The following ASNS variants were observed in gnomAD, a reference collection of about 807,000 sequenced individuals.
ASNS encodes asparagine synthetase (glutamine-hydrolyzing).
A neutral mutation model predicts 62.6 loss-of-function variants in ASNS; 37 were observed. The observed-to-expected ratio is 0.59, with a 90% confidence interval of 0.45 to 0.78. ASNS has a LOEUF of 0.78. ASNS is among the 30% of genes least tolerant of loss of function. The pLI is 0.00. For missense variants in ASNS, 520 were observed against 682.4 expected (o/e 0.76, Z 2.65); for synonymous variants, 207 against 237.9 (o/e 0.87, Z 1.19).
At chr7:97,870,109 T>A (rs1381611175) in intron 1 of ASNS, 2 of 407,276 alleles carry the variant, frequency 4.9e-6, no homozygotes, top group African/African-American at 2.1e-5. Context: ...AATTCTCAAC[T>A]GTGAAATAAA....
the ASNS span, among the ~76,000 whole-genome samples, chr7:97,923,256 TG>T: frequency 6.7e-6 from 1 of 149,716 alleles, no homozygotes; most frequent in Non-Finnish European, 1.5e-5. Context: ...AAATCATGAT[TG>T]ACTTTTCCAA....
chr7:97,868,523 G>GTGTGTGTC (rs1382527018), intron 3 of ASNS, among the ~76,000 whole-genome samples: 9 of 115,972 alleles, frequency 7.8e-5, no homozygotes, highest in African/African-American at 2.6e-4. Context: ...AAAAACATGT[G>GTGTGTGTC]TGTGTGTGTG....
rs1483550952 is a variant in ASNS, at chr7:97,859,389, G to C, written c.497C>G (p.Thr166Arg). 6.2e-7 allele frequency: 1 copy of C among 1,605,156 alleles called. No individual in the cohort carries two copies. The highest frequency in any genetic ancestry group is 8.5e-7 in the Non-Finnish European group (1 of 1,175,218). ...AVCSEAKGLV[T>R]LKHSATPFLK... is the part of the protein sequence containing the mutation. ...AAAGGGAGTCGCGGAGTGCTTCAATGTAACAAGACCTAGAAATTCACAATG... is the reference window on the plus strand; with the variant it reads ...AAAGGGAGTCGCGGAGTGCTTCAATCTAACAAGACCTAGAAATTCACAATG... Residue 166 changes from threonine (T) to arginine (R), a missense_variant, in exon 5 of 13, where the codon ACA (threonine) becomes AGA (arginine). Transcript: ENST00000394308.
the ASNS span, among the ~76,000 whole-genome samples, chr7:97,910,723 T>C: frequency 6.6e-6 from 1 of 152,070 alleles, no homozygotes; most frequent in East Asian, 1.9e-4. Flanking sequence ...TGCCTCAGCC[T>C]CCCGAGTAGC....
chr7:97,923,617 C>T, the ASNS span, among the ~76,000 whole-genome samples: 87 of 152,300 alleles, frequency 5.7e-4, no homozygotes, highest in Non-Finnish European at 9.9e-4. Context: ...ACCTGGGATG[C>T]CTCCCAAGCC....
chr7:97,900,013 C>A, the ASNS span, among the ~76,000 whole-genome samples: 4 of 152,142 alleles, frequency 2.6e-5, no homozygotes, highest in Admixed American at 2.6e-4. Flanking sequence ...AAACAGAAAT[C>A]AAAACCACAA....
intron 9 of ASNS, 106 bp downstream of exon 9, chr7:97,855,247 G>A: frequency 3.8e-6 from 3 of 795,740 alleles, no homozygotes; most frequent in Non-Finnish European, 2.0e-6. Flanking sequence ...AACCTCACAA[G>A]ATACTCAAAA....
the ASNS span, among the ~76,000 whole-genome samples, chr7:97,883,517 A>G: frequency 1.3e-5 from 2 of 152,034 alleles, no homozygotes; most frequent in South Asian, 4.2e-4. Context: ...CACCACTATA[A>G]ACCAAGCCAC....
chr7:97,915,397 A>C, the ASNS span, among the ~76,000 whole-genome samples: 2 of 152,242 alleles, frequency 1.3e-5, no homozygotes, highest in Non-Finnish European at 2.9e-5. Context: ...TCATCTGTAA[A>C]ATGGGTATGC....
upstream of ASNS, among the ~76,000 whole-genome samples, chr7:97,877,356 G>A (rs1448585684): frequency 6.6e-6 from 1 of 152,196 alleles, no homozygotes; most frequent in African/African-American, 2.4e-5. Context: ...GCCTCCCAAA[G>A]TGTTGGGATT....
the ASNS span, among the ~76,000 whole-genome samples, chr7:97,912,398 T>A: frequency 6.6e-6 from 1 of 151,996 alleles, no homozygotes; most frequent in Non-Finnish European, 1.5e-5. Flanking sequence ...AGCAATCTTG[T>A]GGAAAGAACC....
At chr7:97,922,176 A>G in the ASNS span, among the ~76,000 whole-genome samples, 5 of 152,102 alleles carry the variant, frequency 3.3e-5, no homozygotes, top group Admixed American at 6.5e-5. Context: ...ACCAGCCTGC[A>G]TAACATAGCA....
rs374507287 is a variant in ASNS at position 97,864,363 on chromosome 7, G to A, written c.383C>T (p.Thr128Ile). 13 of 1,613,760 alleles carry A rather than the reference G, an allele frequency of 8.1e-6. No homozygotes were observed. The highest frequency in any genetic ancestry group is 1.1e-5 in the Non-Finnish European group (13 of 1,179,882). The change falls in exon 4 of 13, where the codon ACT becomes ATT. Residue 128 changes from threonine to isoleucine, a missense_variant. Transcript: ENST00000394308. ...DGVFAFVLLD[T>I]ANKKVFLGRD... is the part of the protein sequence containing the mutation. ...ACCCAGGAACACTTTCTTATTGGCA[G>A]TATCCAGTAAAACAAATGCAAACAC...
chr7:97,920,273 G>A, the ASNS span, among the ~76,000 whole-genome samples: 1 of 152,124 alleles, frequency 6.6e-6, no homozygotes, highest in African/African-American at 2.4e-5. Context: ...CAAAGTGCTG[G>A]GATTACAGGT....
At chr7:97,868,518 C>CGTGTGTGT (rs543590888) in intron 3 of ASNS, among the ~76,000 whole-genome samples, 13 of 62,104 alleles carry the variant, frequency 2.1e-4, no homozygotes, top group African/African-American at 9.0e-4. Flanking sequence ...TCAGCAAAAA[C>CGTGTGTGT]ATGTGTGTGT....
chr7:97,896,737 C>CATATATAT, the ASNS span, among the ~76,000 whole-genome samples: 83 of 30,474 alleles, frequency 2.7e-3, 1 homozygote, highest in East Asian at 0.011. Context: ...CACACACACA[C>CATATATAT]ACACATATAT....
chr7:97,925,971 T>C, the ASNS span, among the ~76,000 whole-genome samples: 11,904 of 151,874 alleles, frequency 0.078, 928 homozygotes, highest in African/African-American at 0.21. Context: ...CTAGGCGTCT[T>C]AATGGGATGG....
At position 97,857,142 on chromosome 7, in the gene ASNS, C is replaced by T. The variant is rs141091262; in HGVS notation, c.904-326G>A. ...CTCTCTAGTCCAACATGGTCCCACG[C>T]TAAGCTTGGTCTTTTTTGGTCCTTC... On this transcript the variant is annotated intron_variant, in intron 7 of 12. Transcript: ENST00000394308. Among the ~76,000 whole-genome samples, 968 of 152,274 alleles carry T rather than the reference C, an allele frequency of 6.4e-3. 2 individuals carry two copies. The highest frequency in any genetic ancestry group is 0.022 in the African/African-American group (902 of 41,550).
intron 7 of ASNS, among the ~76,000 whole-genome samples, chr7:97,857,869 A>T (rs552903264): frequency 2.3e-3 from 345 of 152,060 alleles, no homozygotes; most frequent in Non-Finnish European, 4.3e-3. Context: ...TGCGTCACCA[A>T]GCCTGGCTAG....
Sources: gnomAD v4.1 joint callset for allele counts (sites outside exome capture counted in the v4.1 genomes callset) on GRCh38, gnomAD v4.1.1 for gene constraint, MANE v1.5 for transcripts, NCBI Gene and HGNC (gene_info 2026-07-23, HGNC 2026-07-21) for gene names.